The following NHSL2 variants were observed in gnomAD, a reference collection of about 807,000 sequenced individuals.
The protein encoded by NHSL2 is NHS like 2.
Under a neutral mutation model 53.4 loss-of-function variants are expected in NHSL2, and 27 were observed. The ratio of observed to expected loss-of-function variants is 0.51; its 90% CI spans 0.37 to 0.70. NHSL2 has a LOEUF of 0.70. Ranked by LOEUF, NHSL2 falls within the 30% of genes least tolerant of loss-of-function variation. The probability of loss-of-function intolerance (pLI) is 0.00; values close to 1 mark genes in which losing one functional copy is unlikely to be tolerated. For synonymous variants in NHSL2, 408 were observed against 404.1 expected, an observed-to-expected ratio of 1.01 and a Z score of -0.12; for missense variants, 892 against 980.1, an observed-to-expected ratio of 0.91 and a Z score of 1.20.
chrX:71,912,107 C>T (rs764920796), intron 1 of NHSL2, among the ~76,000 whole-genome samples: 69 of 112,662 alleles, frequency 6.1e-4, no homozygotes, highest in Non-Finnish European at 1.1e-3. Context: ...TTTCCTGAAG[C>T]GCATTCACTT....
At chrX:72,089,594 G>T (rs868734959) in intron 1 of NHSL2, among the ~76,000 whole-genome samples, 1 of 111,081 alleles carries the variant, frequency 9.0e-6, no homozygotes, top group Non-Finnish European at 1.9e-5. Context: ...GCTTGGGGCT[G>T]GGGAGGCATC....
chrX:72,084,314 C>T (rs950794113), intron 1 of NHSL2, among the ~76,000 whole-genome samples: 1 of 112,410 alleles, frequency 8.9e-6, no homozygotes, highest in Non-Finnish European at 1.9e-5. Context: ...AGATGCCAAG[C>T]CAGAGCCTGC....
chrX:72,077,136 A>G (rs929250003), intron 1 of NHSL2, among the ~76,000 whole-genome samples: 2 of 110,546 alleles, frequency 1.8e-5, no homozygotes, highest in Non-Finnish European at 3.8e-5. Context: ...AAAGTCATGC[A>G]CTGCCCCTGT....
At chrX:72,063,432 T>C (rs984089944) in intron 1 of NHSL2, among the ~76,000 whole-genome samples, 1 of 111,951 alleles carries the variant, frequency 8.9e-6, no homozygotes, top group African/African-American at 3.3e-5. Context: ...CGTTGATGAA[T>C]GATCACAAAT....
chrX:72,152,367 A>G lies in NHSL2; in HGVS notation c.*8793A>G, dbSNP rs781244946. The G allele has an allele frequency of 9.2e-3, 979 of 106,836 alleles. 5 individuals are homozygous for G. The highest frequency in any genetic ancestry group is 0.025 in the African/African-American group (738 of 29,799). 8.8% of individuals were successfully genotyped at this position (106,836 alleles called of 1,213,427 possible). A position where few individuals can be genotyped will look rare whatever the true frequency, so the allele number is the denominator to read the frequency against. On this transcript the variant is annotated 3_prime_UTR_variant, in exon 8 of 8. Coordinates refer to ENST00000633930, the MANE Select transcript of NHSL2 (RefSeq NM_001013627.3). The stretch of plus-strand genomic sequence containing the variant: ...TGTGCATGCGCGCGCGCACACACAC[A>G]CACACACACACACACACACACACAG...
At chrX:71,911,860 G>A (rs937012056) in intron 1 of NHSL2, among the ~76,000 whole-genome samples, 1 of 112,570 alleles carries the variant, frequency 8.9e-6, no homozygotes, top group African/African-American at 3.2e-5. Flanking sequence ...CGGCGGTGGT[G>A]CCTACAGGCT....
At chrX:71,939,080 G>C (rs1236265982) in intron 1 of NHSL2, among the ~76,000 whole-genome samples, 3 of 112,227 alleles carry the variant, frequency 2.7e-5, no homozygotes, top group Non-Finnish European at 5.6e-5. Context: ...TGGACTTGGG[G>C]AGCCAAGGCC....
At chrX:72,100,021 A>T in intron 1 of NHSL2, among the ~76,000 whole-genome samples, 1 of 111,310 alleles carries the variant, frequency 9.0e-6, no homozygotes, top group East Asian at 2.8e-4. Flanking sequence ...AATGGATTAG[A>T]AGGTCAGACA....
rs1474087588 is a variant in NHSL2, at chrX:72,147,372, G to A, written c.*3798G>A. ...AGTGCCTTACCCTCGTCCCAGCCCT[G>A]TGATTTGCACTCTTTAAAGTAATAT... On this transcript the variant is annotated 3_prime_UTR_variant, in exon 8 of 8. Transcript: ENST00000633930. The A allele has an allele frequency of 8.9e-6, 1 of 112,161 alleles. No homozygotes were observed. The highest frequency in any genetic ancestry group is 1.9e-5 in the Non-Finnish European group (1 of 53,222). The allele number at this position is 112,161 out of a possible 1,213,427, so 9.2% of individuals were successfully genotyped here. A position where few individuals can be genotyped will look rare whatever the true frequency, so the allele number is the denominator to read the frequency against.
intron 1 of NHSL2, among the ~76,000 whole-genome samples, chrX:72,091,937 G>A (rs755420952): frequency 2.7e-5 from 3 of 111,459 alleles, no homozygotes; most frequent in African/African-American, 9.8e-5. Context: ...GCAGAGGGGG[G>A]CCTCCAGCAA....
chrX:72,063,158 C>T (rs777762653), intron 1 of NHSL2, among the ~76,000 whole-genome samples: 9 of 111,845 alleles, frequency 8.0e-5, no homozygotes, highest in African/African-American at 1.6e-4. Context: ...TCTCAGAAGG[C>T]GTTCTGGCTT....
intron 1 of NHSL2, among the ~76,000 whole-genome samples, chrX:71,955,286 T>G (rs773706357): frequency 8.9e-6 from 1 of 111,928 alleles, no homozygotes; most frequent in Admixed American, 9.5e-5. Context: ...GATTGAATGC[T>G]ATGAAAAACC....
At chrX:71,951,330 G>A (rs1353477819) in intron 1 of NHSL2, among the ~76,000 whole-genome samples, 1 of 111,920 alleles carries the variant, frequency 8.9e-6, no homozygotes, top group African/African-American at 3.3e-5. Flanking sequence ...TAAGAAATAG[G>A]TTGAGGAGAA....
intron 1 of NHSL2, among the ~76,000 whole-genome samples, chrX:71,993,426 G>A (rs551080138): frequency 1.1e-4 from 12 of 112,150 alleles, no homozygotes; most frequent in Non-Finnish European, 2.1e-4. Context: ...GGGGGTCAAG[G>A]TAAGCCAAGC....
chrX:72,020,559 A>G (rs2042155252), intron 1 of NHSL2, among the ~76,000 whole-genome samples: 1 of 112,249 alleles, frequency 8.9e-6, no homozygotes, highest in Non-Finnish European at 1.9e-5. Flanking sequence ...GGGGGCCACT[A>G]GCCCTGCTTT....
At position 72,021,550 on chromosome X, in the gene NHSL2, A is replaced by G. The variant is rs1265517249; in HGVS notation, c.280+110183A>G. Among the ~76,000 whole-genome samples the G allele has an allele frequency of 2.7e-5, 3 of 111,990 alleles. No individual in the cohort carries two copies. In the East Asian group the frequency reaches 8.4e-4, roughly 31 times the overall value. On this transcript the variant is annotated intron_variant, in intron 1 of 7. Transcript: ENST00000633930. ...CCCTAGGAAACTGAGGCTCAGAGAC[A>G]TTGAGTAACTTGTCCAAGGTCACAC...
chrX:72,079,234 A>G (rs2041769536), intron 1 of NHSL2, among the ~76,000 whole-genome samples: 1 of 112,938 alleles, frequency 8.9e-6, no homozygotes, highest in Non-Finnish European at 1.9e-5. Context: ...CCAAACAAAG[A>G]GAAACAAATT....
intron 1 of NHSL2, among the ~76,000 whole-genome samples, chrX:72,047,890 A>G (rs891939188): frequency 9.1e-5 from 10 of 110,016 alleles, no homozygotes; most frequent in African/African-American, 3.3e-4. Context: ...CACTAAGCAG[A>G]GGGATGTACT....
At chrX:72,037,750 A>G (rs2042249169) in intron 1 of NHSL2, among the ~76,000 whole-genome samples, 2 of 111,930 alleles carry the variant, frequency 1.8e-5, no homozygotes, top group Non-Finnish European at 3.8e-5. Context: ...TAGGCCTCTC[A>G]CTGAGTTCCT....
Sources: gnomAD v4.1 joint callset for allele counts (sites outside exome capture counted in the v4.1 genomes callset) on GRCh38, gnomAD v4.1.1 for gene constraint, MANE v1.5 for transcripts, NCBI Gene and HGNC (gene_info 2026-07-23, HGNC 2026-07-21) for gene names.